The following ETFRF1 variants were observed in gnomAD, a reference collection of about 807,000 sequenced individuals.
ETFRF1 encodes electron transfer flavoprotein regulatory factor 1.
ETFRF1 carries 12 observed loss-of-function variants against 9.0 expected under a neutral mutation model. The observed-to-expected ratio is 1.34, with a 90% CI of 0.86 to 2.16. The LOEUF (loss-of-function observed/expected upper bound fraction) is 2.16. Ranked by LOEUF, ETFRF1 falls within the 30% of genes most tolerant of loss-of-function variation. The probability of loss-of-function intolerance (pLI) is 0.00; values close to 1 mark genes in which losing one functional copy is unlikely to be tolerated. For missense variants in ETFRF1, 98 were observed against 101.8 expected, an observed-to-expected ratio of 0.96 and a Z score of 0.16; for synonymous variants, 34 against 33.2, an observed-to-expected ratio of 1.02 and a Z score of -0.08.
chr12:25,203,916 T>C lies in ETFRF1; in HGVS notation c.-37-4T>C. On this transcript the variant is annotated splice_region_variant and splice_polypyrimidine_tract_variant and intron_variant, in intron 1 of 2. Coordinates refer to ENST00000381356, the MANE Select transcript of ETFRF1 (RefSeq NM_001001660.3). Reference sequence around the variant, plus strand: ...TAATTGCAAAAAAATTTTCCTTTCTTTAGGTATGTTATGCATAAAAGTGGA... The same window carrying C: ...TAATTGCAAAAAAATTTTCCTTTCTCTAGGTATGTTATGCATAAAAGTGGA... 1 of 1,387,188 alleles carries C rather than the reference T, an allele frequency of 7.2e-7. No individual in the cohort carries two copies. The highest frequency in any genetic ancestry group is 9.4e-7 in the Non-Finnish European group (1 of 1,061,792). The allele number at this position is 1,387,188 out of a possible 1,614,324, so 85.9% of individuals were successfully genotyped here.
At chr12:25,204,047 T>TA in intron 2 of ETFRF1, 40 bp downstream of exon 2, 1 of 1,538,720 alleles carries the variant, frequency 6.5e-7, no homozygotes, top group Non-Finnish European at 8.8e-7. Context: ...AATGTTATTA[T>TA]ATGACATGGA....
Position 25,204,965 on chromosome 12 carries a change from G to GTA in ETFRF1, c.*655_*656dup. ...GGCCTAAAACCAAGTCACCTGTTGT[G>GTA]TATCAATTACCTTCTTTGATAAAAG... is the stretch of plus-strand genomic sequence containing the variant. On this transcript the variant is annotated 3_prime_UTR_variant, in exon 3 of 3. Transcript: ENST00000381356. 4.9e-6 allele frequency: 1 copy of GTA among 203,988 alleles called. No homozygotes were observed. The highest frequency in any genetic ancestry group is 7.5e-5 in the East Asian group (1 of 13,372). 12.6% of individuals were successfully genotyped at this position (203,988 alleles called of 1,614,324 possible).
intron 1 of ETFRF1, among the ~76,000 whole-genome samples, chr12:25,201,732 A>G (rs564760428): frequency 6.6e-6 from 1 of 150,508 alleles, no homozygotes; most frequent in Admixed American, 6.6e-5. Context: ...CAAAATGCCT[A>G]AAGGGGCAGG....
At chr12:25,195,767 G>A (rs1398912798) in intron 1 of ETFRF1, 1 of 152,654 alleles carries the variant, frequency 6.6e-6, no homozygotes, top group East Asian at 1.9e-4. Context: ...AGCAATTCCT[G>A]GCTAAAATAT....
chr12:25,200,917 C>CTTG (rs1331392524), intron 1 of ETFRF1, among the ~76,000 whole-genome samples: 2 of 152,230 alleles, frequency 1.3e-5, no homozygotes, highest in Non-Finnish European at 2.9e-5. Context: ...GCATGACTCA[C>CTTG]ATTGATGGCT....
At chr12:25,200,485 G>A (rs1051697002) in intron 1 of ETFRF1, among the ~76,000 whole-genome samples, 3 of 152,188 alleles carry the variant, frequency 2.0e-5, no homozygotes, top group Non-Finnish European at 4.4e-5. Context: ...AGAAGATTCT[G>A]TAAGTTTCTG....
At chr12:25,202,405 G>A (rs979165445) in intron 1 of ETFRF1, among the ~76,000 whole-genome samples, 2 of 152,036 alleles carry the variant, frequency 1.3e-5, no homozygotes, top group Admixed American at 1.3e-4. Flanking sequence ...GGGCCTCTGG[G>A]GGTAGGGACT....
rs557891881 is a variant in ETFRF1 at position 25,204,311 on chromosome 12, G to C, written c.272G>C (p.Ter91SerextTer5). Reference protein sequence around the residue: ...RYYSDTNKTN* With the variant: ...RYYSDTNKTNS ...TATTCAGATACCAACAAAACTAATT[G>C]ATCATTACTACTTTAATTTAGCTAT... Residue 91 changes from the stop codon to serine (S), a stop_lost, in exon 3 of 3, where the codon TGA becomes TCA. Transcript: ENST00000381356. The C allele has an allele frequency of 6.4e-7, 1 of 1,561,486 alleles. No individual in the cohort carries two copies. The highest frequency in any genetic ancestry group is 8.6e-7 in the Non-Finnish European group (1 of 1,160,126).
rs1259751869 is a variant in ETFRF1, at chr12:25,204,266, G to C, written c.227G>C (p.Arg76Thr). ...GCTTTGTACTTCCTTAGGAAATACAGAGCTATGAAACAACGCTATTATTCA... is the reference window on the plus strand; with the variant it reads ...GCTTTGTACTTCCTTAGGAAATACACAGCTATGAAACAACGCTATTATTCA... ...LEALYFLRKY[R>T]AMKQRYYSDT... Residue 76 changes from arginine (R) to threonine (T), a missense_variant, in exon 3 of 3, where the codon AGA (arginine) becomes ACA (threonine). By Grantham distance (71) the Arg-to-Thr change is moderately conservative (BLOSUM62 -1). Transcript: ENST00000381356. 1.3e-6 allele frequency: 2 copies of C among 1,598,458 alleles called. No homozygotes were observed. The highest frequency in any genetic ancestry group is 2.7e-5 in the African/African-American group (2 of 73,788).
Position 25,204,153 on chromosome 12 carries a change from C to G in ETFRF1, c.114C>G (p.Asn38Lys), listed in dbSNP as rs1565875437. 1 of 1,612,180 alleles carries G rather than the reference C, an allele frequency of 6.2e-7. No individual in the cohort carries two copies. The highest frequency in any genetic ancestry group is 1.3e-5 in the African/African-American group (1 of 74,884). ...GADYFKKRLKNIFLKNKDVKN... is the reference protein window; with the variant it reads ...GADYFKKRLKKIFLKNKDVKN... Reference sequence around the variant, plus strand: ...ACTATTTTAAAAAGCGTTTGAAGAACATTTTCCTTAAAAACAAAGATGTGA... The same window carrying G: ...ACTATTTTAAAAAGCGTTTGAAGAAGATTTTCCTTAAAAACAAAGATGTGA... The change falls in exon 3 of 3, where the codon AAC becomes AAG. Residue 38 changes from asparagine (N) to lysine (K), a missense_variant. Asn to Lys is a moderately conservative substitution (Grantham distance 94). Transcript: ENST00000381356.
Position 25,203,897 on chromosome 12 carries a change from C to CA in ETFRF1, c.-37-16dup, listed in dbSNP as rs555302138. 2.9e-4 allele frequency: 390 copies of CA among 1,331,664 alleles called. 1 individual carries two copies. The African/African-American group carries it at 5.4e-3, about 18-fold the overall frequency. 82.5% of individuals were successfully genotyped at this position (1,331,664 alleles called of 1,614,324 possible). A position where few individuals can be genotyped will look rare whatever the true frequency, so the allele number is the denominator to read the frequency against. On this transcript the variant is annotated intron_variant, in intron 1 of 2. Coordinates refer to ENST00000381356, the MANE Select transcript of ETFRF1 (RefSeq NM_001001660.3). ...TTTAAGACTACAATGCAGCTAATTG[C>CA]AAAAAAATTTTCCTTTCTTTAGGTA...
At chr12:25,196,948 A>T (rs561890169) in intron 1 of ETFRF1, among the ~76,000 whole-genome samples, 1 of 152,244 alleles carries the variant, frequency 6.6e-6, no homozygotes, top group Admixed American at 6.5e-5. Context: ...AGGTCTGGAG[A>T]TGGAGACCAT....
chr12:25,204,100 C>A lies in ETFRF1; in HGVS notation c.61C>A (p.Leu21Ile). ...VLKLYKNLLY[L>I]GRDYPKGADY... Reference sequence around the variant, plus strand: ...ATCTTTCTTTTTGAAGCTGCTGTATCTTGGACGAGACTATCCAAAAGGAGC... The same window carrying A: ...ATCTTTCTTTTTGAAGCTGCTGTATATTGGACGAGACTATCCAAAAGGAGC... Residue 21 changes from leucine to isoleucine, a missense_variant, in exon 3 of 3, where the codon CTT (leucine) becomes ATT (isoleucine). Leu to Ile is a conservative substitution (Grantham distance 5). Coordinates refer to ENST00000381356, the MANE Select transcript of ETFRF1 (RefSeq NM_001001660.3). The A allele has an allele frequency of 6.3e-7, 1 of 1,583,506 alleles. No homozygotes were observed. Among genetic ancestry groups the A allele is most frequent in the Non-Finnish European group, 8.6e-7 (1 of 1,162,930 alleles).
chr12:25,195,257 C>T lies in ETFRF1; in HGVS notation c.-118C>T. ...CCTTTACTGACAGGTTGCCCACCTC[C>T]CCCAACGCCACCCCGCTTCGCAGTA... On this transcript the variant is annotated 5_prime_UTR_variant, in exon 1 of 3. Transcript: ENST00000381356. 8.9e-6 allele frequency: 6 copies of T among 675,178 alleles called. No individual in the cohort carries two copies. The South Asian group carries it at 1.0e-4, about 11-fold the overall frequency. 41.8% of individuals were successfully genotyped at this position (675,178 alleles called of 1,614,324 possible). A position where few individuals can be genotyped will look rare whatever the true frequency, so the allele number is the denominator to read the frequency against.
intron 1 of ETFRF1, chr12:25,196,036 A>G (rs1370922427): frequency 7.9e-5 from 12 of 152,206 alleles, no homozygotes; most frequent in Non-Finnish European, 1.2e-4. Flanking sequence ...TACTGGCACC[A>G]TTTCTCATCT....
Position 25,204,455 on chromosome 12 carries a change from T to G in ETFRF1, c.*143T>G. On this transcript the variant is annotated 3_prime_UTR_variant, in exon 3 of 3. Coordinates refer to ENST00000381356, the MANE Select transcript of ETFRF1 (RefSeq NM_001001660.3). ...CCTACTGAACTAAATAGGTTTCAAC[T>G]TCTGTTCATACGGAGAAAGTATCAG... 1 of 562,640 alleles carries G rather than the reference T, an allele frequency of 1.8e-6. No individual in the cohort carries two copies. The highest frequency in any genetic ancestry group is 2.8e-6 in the Non-Finnish European group (1 of 354,500). 34.9% of individuals were successfully genotyped at this position (562,640 alleles called of 1,614,324 possible).
At chr12:25,197,313 G>T (rs1951038758) in intron 1 of ETFRF1, among the ~76,000 whole-genome samples, 1 of 152,162 alleles carries the variant, frequency 6.6e-6, no homozygotes, top group South Asian at 2.1e-4. Context: ...CTTAAGCCAG[G>T]TCCCTGAAAG....
At chr12:25,200,190 A>G (rs900414244) in intron 1 of ETFRF1, among the ~76,000 whole-genome samples, 21 of 152,074 alleles carry the variant, frequency 1.4e-4, no homozygotes, top group Admixed American at 2.6e-4. Context: ...AGCGTGGGTG[A>G]TAAGAGCGAA....
At chr12:25,203,387 A>G (rs990829919) in intron 1 of ETFRF1, among the ~76,000 whole-genome samples, 6 of 152,118 alleles carry the variant, frequency 3.9e-5, no homozygotes, top group African/African-American at 1.2e-4. Flanking sequence ...TACTATTCCA[A>G]CCTGCTTAAC....
Sources: gnomAD v4.1 joint callset for allele counts (sites outside exome capture counted in the v4.1 genomes callset) on GRCh38, gnomAD v4.1.1 for gene constraint, MANE v1.5 for transcripts, NCBI Gene and HGNC (gene_info 2026-07-23, HGNC 2026-07-21) for gene names.